The following COL25A1 variants were observed in gnomAD, a reference collection of about 807,000 sequenced individuals.
The protein encoded by COL25A1 is collagen alpha-1(XXV) chain.
Under a neutral mutation model 128.4 loss-of-function variants are expected in COL25A1, and 103 were observed. The observed-to-expected ratio is 0.80, with a 90% CI of 0.68 to 0.94. The LOEUF is 0.94. COL25A1 is among the 40% of genes least tolerant of loss of function. The probability of loss-of-function intolerance (pLI) is 0.00; values close to 1 mark genes in which losing one functional copy is unlikely to be tolerated. For synonymous variants in COL25A1, 279 were observed against 277.2 expected (o/e 1.01, Z -0.06); for missense variants, 745 against 840.0 (o/e 0.89, Z 1.40).
chr4:108,909,367 T>C (rs925594791), intron 13 of COL25A1, among the ~76,000 whole-genome samples: 2 of 152,226 alleles, frequency 1.3e-5, no homozygotes, highest in African/African-American at 2.4e-5. Flanking sequence ...AGGAACTTAA[T>C]ACAAATACCC....
intron 3 of COL25A1, among the ~76,000 whole-genome samples, chr4:109,069,763 T>C (rs956523290): frequency 6.6e-6 from 1 of 152,278 alleles, no homozygotes; most frequent in Admixed American, 6.5e-5. Context: ...TTTCTTTTCC[T>C]GGAGAAAATC....
At chr4:109,166,896 C>T (rs563584758) in intron 3 of COL25A1, among the ~76,000 whole-genome samples, 3 of 152,044 alleles carry the variant, frequency 2.0e-5, no homozygotes, top group Non-Finnish European at 4.4e-5. Context: ...GATATTTCTA[C>T]GAGAGTTTCT....
intron 35 of COL25A1, among the ~76,000 whole-genome samples, chr4:108,823,549 G>A (rs1732021554): frequency 6.6e-6 from 1 of 152,138 alleles, no homozygotes; most frequent in Non-Finnish European, 1.5e-5. Context: ...CCTGACATGG[G>A]CTCCTAAAGA....
chr4:108,875,655 G>T (rs769710627), intron 19 of COL25A1, among the ~76,000 whole-genome samples: 1 of 152,162 alleles, frequency 6.6e-6, no homozygotes, highest in Non-Finnish European at 1.5e-5. Flanking sequence ...ACAGTGTGGC[G>T]ACTCCTCAAG....
At chr4:109,135,629 G>A (rs1560748513) in intron 3 of COL25A1, among the ~76,000 whole-genome samples, 1 of 146,226 alleles carries the variant, frequency 6.8e-6, no homozygotes, top group African/African-American at 2.7e-5. Flanking sequence ...CCAAACAATT[G>A]AAGCTTCACT....
intron 3 of COL25A1, among the ~76,000 whole-genome samples, chr4:109,287,538 C>T (rs1284702965): frequency 6.6e-6 from 1 of 152,034 alleles, no homozygotes; most frequent in Non-Finnish European, 1.5e-5. Flanking sequence ...ATAATTAGTC[C>T]CTCCTCTACC....
At chr4:109,263,687 G>A (rs1339448207) in intron 3 of COL25A1, among the ~76,000 whole-genome samples, 1 of 152,130 alleles carries the variant, frequency 6.6e-6, no homozygotes, top group Non-Finnish European at 1.5e-5. Context: ...TCTCTGCCTC[G>A]GGAATTTCAT....
chr4:109,076,541 C>T (rs1311256036), intron 3 of COL25A1, among the ~76,000 whole-genome samples: 6 of 152,038 alleles, frequency 3.9e-5, no homozygotes, highest in African/African-American at 1.4e-4. Context: ...AGCAGTGGTC[C>T]CAACCTTTTT....
chr4:109,121,615 G>C (rs1275094390), intron 3 of COL25A1, among the ~76,000 whole-genome samples: 1 of 152,012 alleles, frequency 6.6e-6, no homozygotes, highest in African/African-American at 2.4e-5. Flanking sequence ...CTAAAACCCT[G>C]ACAACACCAA....
At chr4:108,938,013 A>G (rs1306221693) in intron 10 of COL25A1, among the ~76,000 whole-genome samples, 170 bp from the exon 11 acceptor site, 2 of 152,218 alleles carry the variant, frequency 1.3e-5, no homozygotes, top group Admixed American at 6.5e-5. Context: ...CTACAAATAA[A>G]CTTTACAAAT....
At chr4:109,014,306 C>CA (rs111315971) in intron 5 of COL25A1, among the ~76,000 whole-genome samples, 74,715 of 146,918 alleles carry the variant, frequency 0.51, 20,879 homozygotes, top group African/African-American at 0.74. Flanking sequence ...CACTCTGTCT[C>CA]AAAAAAAAAA....
At chr4:109,114,791 T>C (rs1282855339) in intron 3 of COL25A1, among the ~76,000 whole-genome samples, 1 of 152,096 alleles carries the variant, frequency 6.6e-6, no homozygotes, top group East Asian at 1.9e-4. Flanking sequence ...GCAATGTGGA[T>C]GCCAAAATTA....
intron 3 of COL25A1, among the ~76,000 whole-genome samples, chr4:109,296,802 G>A (rs1578666294): frequency 6.6e-6 from 1 of 151,812 alleles, no homozygotes; most frequent in Non-Finnish European, 1.5e-5. Context: ...CTACTGATGA[G>A]TAAGATACAG....
chr4:108,958,270 C>A (rs757914843), intron 8 of COL25A1, among the ~76,000 whole-genome samples: 11 of 152,072 alleles, frequency 7.2e-5, no homozygotes, highest in Admixed American at 2.0e-4. Flanking sequence ...CTCAACAGGG[C>A]AATTTTGTTA....
At chr4:109,124,306 T>C (rs1003910851) in intron 3 of COL25A1, among the ~76,000 whole-genome samples, 1 of 152,152 alleles carries the variant, frequency 6.6e-6, no homozygotes, top group Admixed American at 6.6e-5. Context: ...CGTCCTAAAA[T>C]GTAATTTTAA....
chr4:109,015,188 A>G (rs1327329393), intron 5 of COL25A1, among the ~76,000 whole-genome samples: 1 of 152,230 alleles, frequency 6.6e-6, no homozygotes, highest in East Asian at 1.9e-4. Context: ...AGACTAATCA[A>G]AAAGAAACAC....
At chr4:109,025,791 C>T (rs1344599430) in intron 5 of COL25A1, among the ~76,000 whole-genome samples, 1 of 152,210 alleles carries the variant, frequency 6.6e-6, no homozygotes, top group African/African-American at 2.4e-5. Flanking sequence ...CAAATGTCAT[C>T]TCTCTTTGTT....
chr4:109,150,976 G>A lies in COL25A1; in HGVS notation c.368-100797C>T, dbSNP rs981263625. 1.3e-4 allele frequency among the ~76,000 whole-genome samples: 20 copies of A among 152,064 alleles called. No homozygotes were observed. The East Asian group carries it at 1.5e-3, about 12-fold the overall frequency. Reference sequence around the variant, plus strand: ...GTATCTGTTTACATTTCTGTTTACCGGACTTTTATTTTGGTTAGTTGAAAA... The same window carrying A: ...GTATCTGTTTACATTTCTGTTTACCAGACTTTTATTTTGGTTAGTTGAAAA... On this transcript the variant is annotated intron_variant, in intron 3 of 37. Transcript: ENST00000399132.
chr4:108,980,326 AAAC>A (rs938844052), intron 6 of COL25A1, among the ~76,000 whole-genome samples: 4 of 152,334 alleles, frequency 2.6e-5, no homozygotes, highest in African/African-American at 4.8e-5. Context: ...CTCAAGTAAA[AAAC>A]AACAAGACTG....
Sources: allele counts gnomAD v4.1 joint callset (sites outside exome capture counted in the v4.1 genomes callset), GRCh38; gene constraint gnomAD v4.1.1; transcripts MANE v1.5; gene names NCBI Gene and HGNC (gene_info 2026-07-23, HGNC 2026-07-21).